ATAD3B: variants seen among roughly 807,000 people sequenced by gnomAD.
The protein encoded by ATAD3B is ATPase family AAA domain-containing protein 3B.
ATAD3B carries 59 observed loss-of-function variants against 70.2 expected under a neutral mutation model. The ratio of observed to expected loss-of-function variants is 0.84; its 90% CI spans 0.68 to 1.04. ATAD3B has a LOEUF of 1.04. ATAD3B is among the 50% of genes least tolerant of loss of function. ATAD3B has a pLI of 0.00. For synonymous variants in ATAD3B, 423 were observed against 388.6 expected (o/e 1.09, Z -1.04); for missense variants, 961 against 913.4 (o/e 1.05, Z -0.67).
At chr1:1,478,545 C>G (rs371404580) in intron 2 of ATAD3B, 99 bp from the exon 3 acceptor site, 3 of 1,544,676 alleles carry the variant, frequency 1.9e-6, no homozygotes, top group Admixed American at 2.0e-5. Flanking sequence ...AGTCTGGGCA[C>G]GGAGTCTCTG....
intron 1 of ATAD3B, among the ~76,000 whole-genome samples, chr1:1,472,705 C>T (rs1442991947): frequency 6.6e-6 from 1 of 152,086 alleles, no homozygotes; most frequent in Admixed American, 6.6e-5. Context: ...CCCAGCCTTC[C>T]TTTCCCCTGT....
rs183375982 is a variant in ATAD3B at position 1,490,756 on chromosome 1, G to A, written c.1614+85G>A. ...GTTGCGCCAGGCCTGTCCCAGCACC[G>A]GTGTCATGTGGGAGCTTCTGTTGAG... is the stretch of plus-strand genomic sequence containing the variant. On this transcript the variant is annotated intron_variant, in intron 15 of 15. Transcript: ENST00000673477. 1,207 of 1,520,802 alleles carry A rather than the reference G, an allele frequency of 7.9e-4. 11 individuals carry two copies. In the African/African-American group the frequency reaches 0.015, roughly 19 times the overall value. 94.2% of individuals were successfully genotyped at this position (1,520,802 alleles called of 1,614,324 possible).
chr1:1,484,909 T>G lies in ATAD3B; in HGVS notation c.751-107T>G, dbSNP rs1432908172. ...CCTGTGGGGCCAGCACACGGCCCTG[T>G]GCTTCTCCCTCAGGCGGAGAGAGGG... On this transcript the variant is annotated intron_variant, in intron 7 of 15. Coordinates refer to ENST00000673477, the MANE Select transcript of ATAD3B (RefSeq NM_031921.6). 2.0e-6 allele frequency: 3 copies of G among 1,477,202 alleles called. No homozygotes were observed. The East Asian group carries it at 7.5e-5, about 37-fold the overall frequency. The allele number at this position is 1,477,202 out of a possible 1,614,324, so 91.5% of individuals were successfully genotyped here.
chr1:1,482,951 A>G (rs1036440453), intron 7 of ATAD3B: 6 of 490,446 alleles, frequency 1.2e-5, no homozygotes, highest in African/African-American at 5.8e-5. Flanking sequence ...CAGTGAGCCA[A>G]CATTGCACCA....
At chr1:1,498,297 C>G (rs573559304), downstream of ATAD3B, among the ~76,000 whole-genome samples, 23 of 151,390 alleles carry the variant, frequency 1.5e-4, no homozygotes, top group Non-Finnish European at 3.1e-4. Context: ...GAGTGAAACT[C>G]CGTCTCAAAT....
At chr1:1,502,641 A>ACT (rs1297159791), downstream of ATAD3B, among the ~76,000 whole-genome samples, 1 of 149,750 alleles carries the variant, frequency 6.7e-6, no homozygotes, top group African/African-American at 2.5e-5. Context: ...CCTCCCAAGT[A>ACT]GCTGGGACTA....
downstream of ATAD3B, among the ~76,000 whole-genome samples, chr1:1,499,740 A>T (rs1640904241): frequency 6.6e-6 from 1 of 150,614 alleles, no homozygotes; most frequent in Non-Finnish European, 1.5e-5. Context: ...GATTATAGGC[A>T]TGCGCCACCA....
In ATAD3B at chr1:1,489,231, A is replaced by G; in HGVS notation, c.1294A>G (p.Thr432Ala). The change falls in exon 13 of 16, where the codon ACA becomes GCA. Residue 432 changes from threonine (T) to alanine (A), a missense_variant. Thr to Ala is a moderately conservative substitution (Grantham distance 58, BLOSUM62 0). This residue lies in a region of ATAD3B where 417 missense variants were observed against 335.0 expected (regional missense o/e 1.24). Coordinates refer to ENST00000673477, the MANE Select transcript of ATAD3B (RefSeq NM_031921.6). The part of the protein sequence containing the change: ...TEEISKDLRA[T>A]LNAFLYHMGQ... Reference sequence around the variant, plus strand: ...GGAGATAAGCAAGGACCTCAGAGCCACACTGAACGCCTTCCTGTACCACAT... The same window carrying G: ...GGAGATAAGCAAGGACCTCAGAGCCGCACTGAACGCCTTCCTGTACCACAT... 1 of 1,613,626 alleles carries G rather than the reference A, an allele frequency of 6.2e-7. No individual in the cohort carries two copies. The highest frequency in any genetic ancestry group is 8.5e-7 in the Non-Finnish European group (1 of 1,179,668).
At chr1:1,481,128 T>G (rs1416150920) in intron 5 of ATAD3B, among the ~76,000 whole-genome samples, 192 bp downstream of exon 5, 1 of 138,386 alleles carries the variant, frequency 7.2e-6, no homozygotes, top group Non-Finnish European at 1.5e-5. Context: ...CGCCAGGATC[T>G]GTTCAGGGAG....
chr1:1,491,086 G>C (rs911528046), intron 15 of ATAD3B, among the ~76,000 whole-genome samples: 2 of 151,924 alleles, frequency 1.3e-5, no homozygotes, highest in African/African-American at 4.8e-5. Flanking sequence ...CAGGTCCCTT[G>C]GCTTGGTCCT....
the ATAD3B span, chr1:1,503,273 T>C: frequency 3.5e-5 from 11 of 311,948 alleles, no homozygotes; most frequent in East Asian, 3.6e-4. Context: ...AAATGGACAC[T>C]TTACCCATCG....
At chr1:1,491,005 G>A (rs1325211517) in intron 15 of ATAD3B, among the ~76,000 whole-genome samples, 1 of 152,016 alleles carries the variant, frequency 6.6e-6, no homozygotes, top group Non-Finnish European at 1.5e-5. Context: ...ACCTCCTAGA[G>A]GGAATGGTCG....
At chr1:1,495,440 C>T (rs201965757) in intron 15 of ATAD3B, 45 bp from the exon 16 acceptor site, 14 of 1,554,670 alleles carry the variant, frequency 9.0e-6, no homozygotes, top group African/African-American at 5.4e-5. Context: ...TTAAGGGTGG[C>T]GGGTTCCCAT....
At chr1:1,508,713 C>T in the ATAD3B span, among the ~76,000 whole-genome samples, 1 of 151,200 alleles carries the variant, frequency 6.6e-6, no homozygotes. Context: ...ATGCCAAGCC[C>T]TGTGCCCAGG....
chr1:1,483,263 C>T (rs1223702545), intron 7 of ATAD3B, among the ~76,000 whole-genome samples: 1 of 151,690 alleles, frequency 6.6e-6, no homozygotes, highest in Admixed American at 6.6e-5. Context: ...CCACTGCACC[C>T]CAAGACCAGC....
At chr1:1,485,356 C>G (rs1436349383) in intron 8 of ATAD3B, among the ~76,000 whole-genome samples, 185 bp downstream of exon 8, 1 of 152,092 alleles carries the variant, frequency 6.6e-6, no homozygotes, top group Non-Finnish European at 1.5e-5. Context: ...TCAGTGAGAC[C>G]CTTCCCCTGT....
chr1:1,482,925 C>A, intron 7 of ATAD3B: 1 of 511,086 alleles, frequency 2.0e-6, no homozygotes. Flanking sequence ...CACTTAAGCC[C>A]AGGAGGTTTG....
At chr1:1,479,698 C>T (rs1357506445) in intron 4 of ATAD3B, among the ~76,000 whole-genome samples, 2 of 145,370 alleles carry the variant, frequency 1.4e-5, no homozygotes, top group Admixed American at 1.4e-4. Context: ...CACACACTCC[C>T]GCATGGGGCA....
intron 13 of ATAD3B, 102 bp from the exon 14 acceptor site, chr1:1,490,154 AT>A: frequency 6.6e-7 from 1 of 1,514,668 alleles, no homozygotes. Flanking sequence ...GCCGCTTTAG[AT>A]TCTCCCAAAA....
Sources: allele counts gnomAD v4.1 joint callset (sites outside exome capture counted in the v4.1 genomes callset), GRCh38; gene constraint gnomAD v4.1.1; regional missense constraint gnomAD v4.1.1; transcripts MANE v1.5; gene names NCBI Gene and HGNC (gene_info 2026-07-23, HGNC 2026-07-21).